The following IL34 variants were observed in gnomAD, a reference collection of about 807,000 sequenced individuals.
The protein encoded by IL34 is interleukin 34.
Under a neutral mutation model 25.3 loss-of-function variants are expected in IL34, and 17 were observed. The observed-to-expected ratio is 0.67, with a 90% confidence interval of 0.46 to 1.01. The LOEUF (loss-of-function observed/expected upper bound fraction) is 1.01. Among genes scored for constraint, IL34 ranks in the 50% least tolerant of loss-of-function variants. The probability of loss-of-function intolerance (pLI) is 0.00; values close to 1 mark genes in which losing one functional copy is unlikely to be tolerated. For missense variants in IL34, 368 were observed against 312.9 expected, an observed-to-expected ratio of 1.18 and a Z score of -1.33; for synonymous variants, 174 against 140.9, an observed-to-expected ratio of 1.23 and a Z score of -1.66.
intron 1 of IL34, among the ~76,000 whole-genome samples, chr16:70,611,693 A>G (rs1279391193): frequency 6.6e-6 from 1 of 151,820 alleles, no homozygotes; most frequent in African/African-American, 2.4e-5. Flanking sequence ...AAAATACAAA[A>G]ATTAGCTGGG....
chr16:70,618,068 G>C (rs1247749541), intron 1 of IL34, among the ~76,000 whole-genome samples: 1 of 152,208 alleles, frequency 6.6e-6, no homozygotes, highest in African/African-American at 2.4e-5. Context: ...TCCCTGAGGA[G>C]TAGTAGAATA....
chr16:70,586,541 G>A (rs1191799870), intron 1 of IL34, among the ~76,000 whole-genome samples: 2 of 152,306 alleles, frequency 1.3e-5, no homozygotes, highest in Admixed American at 1.3e-4. Flanking sequence ...GGGTGACAGA[G>A]CAAGACCCAG....
upstream of IL34, among the ~76,000 whole-genome samples, chr16:70,644,094 C>T (rs1333359815): frequency 6.6e-6 from 1 of 152,178 alleles, no homozygotes; most frequent in Non-Finnish European, 1.5e-5. Context: ...GCTGCCTCAG[C>T]CTCCTGAGTA....
Position 70,660,246 on chromosome 16 carries a change from C to T in IL34, c.*59C>T. 2 of 1,458,438 alleles carry T rather than the reference C, an allele frequency of 1.4e-6. No individual in the cohort carries two copies. Among genetic ancestry groups the T allele is most frequent in the Non-Finnish European group, 1.8e-6 (2 of 1,092,088 alleles). 90.3% of individuals were successfully genotyped at this position (1,458,438 alleles called of 1,614,324 possible). A position where few individuals can be genotyped will look rare whatever the true frequency, so the allele number is the denominator to read the frequency against. ...CAGACCAGCTCCCACAGGAGTTCAA[C>T]TGGGTCTGAGACTTCAAGGGGTGGT... On this transcript the variant is annotated 3_prime_UTR_variant, in exon 6 of 6. Coordinates refer to ENST00000288098, the MANE Select transcript of IL34 (RefSeq NM_001393494.1).
At chr16:70,659,192 G>C (rs2052313245) in intron 4 of IL34, among the ~76,000 whole-genome samples, 1 of 152,192 alleles carries the variant, frequency 6.6e-6, no homozygotes, top group Admixed American at 6.5e-5. Context: ...ACCCTGCCCT[G>C]TGTATGTGAC....
At chr16:70,585,662 C>A (rs1402186381) in intron 1 of IL34, among the ~76,000 whole-genome samples, 3 of 151,158 alleles carry the variant, frequency 2.0e-5, no homozygotes, top group Admixed American at 6.6e-5. Flanking sequence ...GTACTCCAGC[C>A]TAGGTGACAG....
intron 1 of IL34, among the ~76,000 whole-genome samples, chr16:70,636,734 C>T (rs967680765): frequency 8.6e-5 from 13 of 151,926 alleles, no homozygotes; most frequent in African/African-American, 2.9e-4. Flanking sequence ...TGCCACTGCA[C>T]TCCAGCCTTG....
At chr16:70,630,049 A>C (rs982969963) in intron 1 of IL34, among the ~76,000 whole-genome samples, 5 of 152,108 alleles carry the variant, frequency 3.3e-5, no homozygotes. Context: ...TCTACTCTCT[A>C]TCTCCATGAG....
At chr16:70,633,411 G>T in intron 1 of IL34, among the ~76,000 whole-genome samples, 1 of 148,866 alleles carries the variant, frequency 6.7e-6, no homozygotes, top group Non-Finnish European at 1.5e-5. Flanking sequence ...GCACCACCAT[G>T]CCTGGCTAAT....
chr16:70,607,820 A>G (rs2051030166), intron 1 of IL34, among the ~76,000 whole-genome samples: 1 of 151,690 alleles, frequency 6.6e-6, no homozygotes, highest in Non-Finnish European at 1.5e-5. Flanking sequence ...GCTGGAGTGC[A>G]GTGGCGTGAT....
chr16:70,599,304 C>CTTTCTTTTCTTTCTTTCTTTCTTT (rs372428379), intron 1 of IL34, among the ~76,000 whole-genome samples: 124 of 126,010 alleles, frequency 9.8e-4, no homozygotes, highest in African/African-American at 3.6e-3. Flanking sequence ...TTCTTTCTTT[C>CTTTCTTTTCTTTCTTTCTTTCTTT]CTTCTTTCTT....
intron 1 of IL34, among the ~76,000 whole-genome samples, chr16:70,624,790 G>T (rs1340795748): frequency 6.6e-6 from 1 of 152,002 alleles, no homozygotes; most frequent in East Asian, 1.9e-4. Flanking sequence ...GGGTGGAGGA[G>T]GGGAGGCTGA....
chr16:70,628,608 T>C (rs1190066813), intron 1 of IL34, among the ~76,000 whole-genome samples: 1 of 151,756 alleles, frequency 6.6e-6, no homozygotes, highest in Admixed American at 6.6e-5. Flanking sequence ...TACCTCAGCC[T>C]CCCAAGCAGC....
intron 2 of IL34, among the ~76,000 whole-genome samples, chr16:70,656,362 TAAA>T (rs1350845500): frequency 1.3e-5 from 2 of 151,880 alleles, no homozygotes; most frequent in Admixed American, 1.3e-4. Flanking sequence ...CTACAAAAAA[TAAA>T]AAAATCATCT....
chr16:70,617,235 G>T (rs972421330), intron 1 of IL34, among the ~76,000 whole-genome samples: 3 of 152,218 alleles, frequency 2.0e-5, no homozygotes, highest in Non-Finnish European at 4.4e-5. Flanking sequence ...AAAGGTCTAA[G>T]AATTGGGAAG....
chr16:70,636,675 G>C (rs2051655837), intron 1 of IL34, among the ~76,000 whole-genome samples: 1 of 151,718 alleles, frequency 6.6e-6, no homozygotes, highest in Admixed American at 6.6e-5. Flanking sequence ...CTAGCAGTGT[G>C]GGAGGATGCC....
chr16:70,580,794 A>T (rs914644841), intron 1 of IL34, among the ~76,000 whole-genome samples: 7 of 152,118 alleles, frequency 4.6e-5, no homozygotes, highest in Non-Finnish European at 1.0e-4. Flanking sequence ...AAAAAAAAAA[A>T]AATTAATTGA....
intron 1 of IL34, among the ~76,000 whole-genome samples, chr16:70,629,573 T>A (rs1316174906): frequency 1.3e-5 from 2 of 152,194 alleles, no homozygotes; most frequent in Non-Finnish European, 2.9e-5. Context: ...AAATTACTTA[T>A]AATAACGAAT....
At chr16:70,623,911 G>T (rs1293400047) in intron 1 of IL34, among the ~76,000 whole-genome samples, 1 of 148,660 alleles carries the variant, frequency 6.7e-6, no homozygotes, top group East Asian at 2.0e-4. Flanking sequence ...AGGGAAACAG[G>T]CCCTTGAAAA....
Sources: allele counts gnomAD v4.1 joint callset (sites outside exome capture counted in the v4.1 genomes callset), GRCh38; gene constraint gnomAD v4.1.1; transcripts MANE v1.5; gene names NCBI Gene and HGNC (gene_info 2026-07-23, HGNC 2026-07-21).